The following MORN1 variants were observed in gnomAD, a reference collection of about 807,000 sequenced individuals.
MORN1 encodes MORN repeat-containing protein 1.
In MORN1, 67 loss-of-function variants were observed where a neutral mutation model predicts 61.9. The observed-to-expected ratio is 1.08, with a 90% CI of 0.89 to 1.33. The LOEUF (loss-of-function observed/expected upper bound fraction) is 1.33. Among genes scored for constraint, MORN1 ranks in the 40% most tolerant of loss-of-function variants. The probability of loss-of-function intolerance (pLI) is 0.00; values close to 1 mark genes in which losing one functional copy is unlikely to be tolerated. For missense variants in MORN1, 752 were observed against 691.2 expected (o/e 1.09, Z -0.99); for synonymous variants, 301 against 292.0 (o/e 1.03, Z -0.31).
chr1:2,348,697 GCACGCA>G (rs145309421), intron 10 of MORN1, among the ~76,000 whole-genome samples: 2,029 of 100,080 alleles, frequency 0.02, 57 homozygotes, highest in African/African-American at 0.072. Flanking sequence ...GCACACACAC[GCACGCA>G]CACGCACACC....
chr1:2,339,124 C>T (rs566435747), intron 10 of MORN1, among the ~76,000 whole-genome samples: 197 of 152,270 alleles, frequency 1.3e-3, no homozygotes, highest in African/African-American at 4.2e-3. Context: ...TTGGCCAAGA[C>T]GCTTTTTGTT....
At chr1:2,363,811 A>AAAAATAT (rs1199100386) in intron 8 of MORN1, among the ~76,000 whole-genome samples, 44 of 135,132 alleles carry the variant, frequency 3.3e-4, no homozygotes, top group African/African-American at 1.1e-3. Context: ...CAAACAAAAA[A>AAAAATAT]ATATATATAT....
intron 6 of MORN1, among the ~76,000 whole-genome samples, chr1:2,380,832 A>C (rs1407954669): frequency 6.6e-6 from 1 of 152,216 alleles, no homozygotes; most frequent in Non-Finnish European, 1.5e-5. Context: ...CTGAGAGTAC[A>C]GGTGTGAGCC....
chr1:2,387,352 T>G, intron 4 of MORN1, 67 bp downstream of exon 4: 4 of 1,190,900 alleles, frequency 3.4e-6, no homozygotes, highest in Non-Finnish European at 5.0e-6. Context: ...TGAACCCAAG[T>G]GGACGTAGGA....
Position 2,334,197 on chromosome 1 carries a change from G to T in MORN1, c.1250+2272C>A, listed in dbSNP as rs975855768. On this transcript the variant is annotated intron_variant, in intron 12 of 13. Coordinates refer to ENST00000378531, the MANE Select transcript of MORN1 (RefSeq NM_024848.3). The surrounding 1 kb of genome is among the most constrained non-coding windows in gnomAD (Gnocchi z 5.4). ...AGGTCCTGGAAGAGGTCGTGAGGTC[G>T]ACGCCCCGGTCAGCCACAGTTGAGG... is the stretch of plus-strand genomic sequence containing the variant. 6.6e-6 allele frequency among the ~76,000 whole-genome samples: 1 copy of T among 152,010 alleles called. No homozygotes were observed. The highest frequency in any genetic ancestry group is 2.4e-5 in the African/African-American group (1 of 41,374).
At chr1:2,325,136 C>CCTTCCT (rs1640984186) in intron 12 of MORN1, among the ~76,000 whole-genome samples, 1 of 5,322 alleles carries the variant, frequency 1.9e-4, no homozygotes, top group African/African-American at 7.6e-4. Flanking sequence ...CCTTCCTTCC[C>CCTTCCT]TCCCTCCCTC....
intron 3 of MORN1, chr1:2,387,833 A>G: frequency 2.3e-6 from 1 of 437,180 alleles, no homozygotes; most frequent in South Asian, 3.4e-5. Flanking sequence ...CTCTTTAAAA[A>G]CTGAAAGCCA....
chr1:2,327,395 C>CACACAG (rs1641056552), intron 12 of MORN1, among the ~76,000 whole-genome samples: 1 of 151,680 alleles, frequency 6.6e-6, no homozygotes, highest in Non-Finnish European at 1.5e-5. Flanking sequence ...CACACAGAAA[C>CACACAG]ACAGAAACAA....
At chr1:2,354,829 C>T (rs1159940292) in intron 10 of MORN1, among the ~76,000 whole-genome samples, 3 of 152,222 alleles carry the variant, frequency 2.0e-5, no homozygotes, top group Non-Finnish European at 2.9e-5. Context: ...GGGTTGGTGT[C>T]GGATGCACCC....
rs1227350347 is a variant in MORN1 at position 2,360,357 on chromosome 1, A to G, written c.746-1642T>C. On this transcript the variant is annotated intron_variant, in intron 8 of 13. Transcript: ENST00000378531. ...CTGGTTCCAACAACCAAGAAAGCCG[A>G]CAAAGTGCAATGAAATTGATATCAG... Among the ~76,000 whole-genome samples, 4 of 152,228 alleles carry G rather than the reference A, an allele frequency of 2.6e-5. No individual in the cohort carries two copies. In the East Asian group the frequency reaches 7.7e-4, roughly 29 times the overall value.
chr1:2,358,848 GT>G, intron 8 of MORN1, 133 bp from the exon 9 acceptor site: 1 of 1,125,630 alleles, frequency 8.9e-7, no homozygotes, highest in African/African-American at 1.5e-5. Flanking sequence ...TGTGACCCTG[GT>G]GGGCTGAGGA....
At chr1:2,361,446 T>C (rs1389287326) in intron 8 of MORN1, among the ~76,000 whole-genome samples, 1 of 152,010 alleles carries the variant, frequency 6.6e-6, no homozygotes, top group Non-Finnish European at 1.5e-5. Flanking sequence ...TCATCCCAGC[T>C]ACTTGGGAGG....
chr1:2,382,480 C>T (rs1162500416), intron 6 of MORN1, among the ~76,000 whole-genome samples: 1 of 152,228 alleles, frequency 6.6e-6, no homozygotes, highest in Non-Finnish European at 1.5e-5. Context: ...AGCTGTGCAC[C>T]AGCGCCGGCC....
chr1:2,391,489 A>C lies in MORN1; in HGVS notation c.45T>G (p.Arg15=), dbSNP rs772804614. The stretch of plus-strand genomic sequence containing the variant: ...GGGGCGGCCGCCTAGGCGGGTCCCG[A>C]CGCGGCCCGCGGGAGCTCGGGGTGC... ...GEGTPSSRGP[R]RDPPRRPPRN... is the part of the protein sequence containing the mutation. The change falls in exon 1 of 14, where the codon CGT becomes CGG. Residue 15 remains arginine (R), a synonymous_variant. Coordinates refer to ENST00000378531, the MANE Select transcript of MORN1 (RefSeq NM_024848.3). 4.8e-6 allele frequency: 6 copies of C among 1,252,172 alleles called. No individual in the cohort carries two copies. The highest frequency in any genetic ancestry group is 3.1e-5 in the African/African-American group (2 of 64,350). 77.6% of individuals were successfully genotyped at this position (1,252,172 alleles called of 1,614,324 possible). A position where few individuals can be genotyped will look rare whatever the true frequency, so the allele number is the denominator to read the frequency against.
Position 2,357,747 on chromosome 1 carries a change from G to T in MORN1, c.870-149C>A. The T allele has an allele frequency of 1.1e-6, 1 of 908,354 alleles. No individual in the cohort carries two copies. The highest frequency in any genetic ancestry group is 1.5e-6 in the Non-Finnish European group (1 of 655,196). 56.3% of individuals were successfully genotyped at this position (908,354 alleles called of 1,614,324 possible). ...AGCCTCTCTGGGAGGTCTCCTGCTG[G>T]GATGGGGCCAGTTGAGGCCCAGAGA... On this transcript the variant is annotated intron_variant, in intron 9 of 13. Coordinates refer to ENST00000378531, the MANE Select transcript of MORN1 (RefSeq NM_024848.3). This position sits in a 1 kb window ranked among gnomAD's most constrained non-coding sequence, Gnocchi z 6.3.
intron 5 of MORN1, 134 bp from the exon 6 acceptor site, chr1:2,385,199 C>T (rs1394344455): frequency 1.1e-6 from 1 of 883,106 alleles, no homozygotes; most frequent in East Asian, 2.7e-5. Context: ...CAGATGGCCC[C>T]AAGAGCTCCT....
intron 10 of MORN1, among the ~76,000 whole-genome samples, chr1:2,347,651 C>T (rs1641545522): frequency 6.6e-6 from 1 of 152,140 alleles, no homozygotes; most frequent in East Asian, 1.9e-4. Context: ...AGGTGTCCTC[C>T]CCACCGTGGC....
chr1:2,349,857 G>A lies in MORN1; in HGVS notation c.1036+7575C>T, dbSNP rs928701818. Among the ~76,000 whole-genome samples the A allele has an allele frequency of 7.2e-5, 11 of 152,252 alleles. 1 individual carries two copies. Among genetic ancestry groups the A allele is most frequent in the Admixed American group, 4.6e-4 (7 of 15,294 alleles). On this transcript the variant is annotated intron_variant, in intron 10 of 13. Coordinates refer to ENST00000378531, the MANE Select transcript of MORN1 (RefSeq NM_024848.3). ...CGTGTAAGAGAAACCACTCAGATCCGTTGAAAATATTCACTGGGAGGGTTT... is the reference window on the plus strand; with the variant it reads ...CGTGTAAGAGAAACCACTCAGATCCATTGAAAATATTCACTGGGAGGGTTT...
chr1:2,332,492 A>T (rs1265283078), intron 12 of MORN1: 1 of 398,582 alleles, frequency 2.5e-6, no homozygotes, highest in Non-Finnish European at 5.1e-6. Flanking sequence ...CCCCCTCGGC[A>T]GTTCTGTCTT....
Sources: allele counts gnomAD v4.1 joint callset (sites outside exome capture counted in the v4.1 genomes callset), GRCh38; gene constraint gnomAD v4.1.1; non-coding constraint Gnocchi (gnomAD v3.1); transcripts MANE v1.5; gene names NCBI Gene and HGNC (gene_info 2026-07-23, HGNC 2026-07-21).